The following PRKAR2A variants were observed in gnomAD, a reference collection of about 807,000 sequenced individuals.
The protein encoded by PRKAR2A is protein kinase cAMP-dependent type II regulatory subunit alpha, also known as cAMP-dependent protein kinase type II-alpha regulatory subunit.
A neutral mutation model predicts 51.9 loss-of-function variants in PRKAR2A; 29 were observed. That is an observed-to-expected ratio of 0.56 (90% CI 0.42 to 0.76). PRKAR2A has a LOEUF of 0.76. PRKAR2A is among the 30% of genes least tolerant of loss of function. The pLI is 0.00. For synonymous variants in PRKAR2A, 178 were observed against 186.2 expected (o/e 0.96, Z 0.36); for missense variants, 445 against 512.1 (o/e 0.87, Z 1.26).
At chr3:48,790,673 A>G (rs752119160) in intron 3 of PRKAR2A, 46 bp from the exon 4 acceptor site, 9 of 1,211,792 alleles carry the variant, frequency 7.4e-6, no homozygotes, top group Non-Finnish European at 9.0e-6. Flanking sequence ...TTCCATTTTA[A>G]AATAACCACT....
intron 1 of PRKAR2A, 119 bp from the exon 2 acceptor site, chr3:48,807,803 CAG>C: frequency 2.7e-6 from 2 of 748,264 alleles, no homozygotes; most frequent in Non-Finnish European, 4.8e-6. Context: ...AGCAGTGGGT[CAG>C]TTCATAGTCT....
chr3:48,775,306 CG>C (rs1367982598), intron 5 of PRKAR2A, among the ~76,000 whole-genome samples: 2 of 151,412 alleles, frequency 1.3e-5, no homozygotes, highest in Non-Finnish European at 2.9e-5. Flanking sequence ...GGGCGGGTAG[CG>C]GGTGCCTGTA....
Position 48,847,067 on chromosome 3 carries a change from G to C in PRKAR2A, c.262+268C>G, listed in dbSNP as rs1025834784. Among the ~76,000 whole-genome samples, 2 of 152,250 alleles carry C rather than the reference G, an allele frequency of 1.3e-5. No homozygotes were observed. Among genetic ancestry groups the C allele is most frequent in the African/African-American group, 4.8e-5 (2 of 41,476 alleles). ...AGCAAAGGCGAGGGATCCTCTAGCA[G>C]GGCCGACAGCGCGCACGTTTCCTTC... On this transcript the variant is annotated intron_variant, in intron 1 of 10. Coordinates refer to ENST00000265563, the MANE Select transcript of PRKAR2A (RefSeq NM_004157.4). This position sits in a 1 kb window ranked among gnomAD's most constrained non-coding sequence, Gnocchi z 4.4.
intron 1 of PRKAR2A, among the ~76,000 whole-genome samples, chr3:48,836,984 A>T (rs988147357): frequency 6.6e-6 from 1 of 152,102 alleles, no homozygotes; most frequent in African/African-American, 2.4e-5. Flanking sequence ...TACAAAAATT[A>T]GCCAGGCATG....
At chr3:48,787,577 G>C (rs1345699562) in intron 4 of PRKAR2A, among the ~76,000 whole-genome samples, 1 of 152,094 alleles carries the variant, frequency 6.6e-6, no homozygotes, top group African/African-American at 2.4e-5. Flanking sequence ...TAACTTTAAT[G>C]GTATAAAATT....
At chr3:48,841,118 T>G (rs1403341505) in intron 1 of PRKAR2A, among the ~76,000 whole-genome samples, 1 of 150,042 alleles carries the variant, frequency 6.7e-6, no homozygotes, top group Admixed American at 6.6e-5. Context: ...ACTCCTGACC[T>G]CAGGTGATCC....
At chr3:48,804,077 A>C (rs938139707) in intron 2 of PRKAR2A, among the ~76,000 whole-genome samples, 1 of 152,168 alleles carries the variant, frequency 6.6e-6, no homozygotes, top group Non-Finnish European at 1.5e-5. Flanking sequence ...AAGGCTATCT[A>C]TTTTCCTCCA....
At chr3:48,817,755 C>G (rs2107392822) in intron 1 of PRKAR2A, among the ~76,000 whole-genome samples, 1 of 151,414 alleles carries the variant, frequency 6.6e-6, no homozygotes, top group East Asian at 1.9e-4. Context: ...AAAAACACTT[C>G]ATATTTTAAA....
At chr3:48,846,675 C>T (rs2083468659) in intron 1 of PRKAR2A, among the ~76,000 whole-genome samples, 1 of 152,174 alleles carries the variant, frequency 6.6e-6, no homozygotes, top group African/African-American at 2.4e-5. Context: ...TTTACTCTCA[C>T]CAAATTTGAT....
intron 6 of PRKAR2A, among the ~76,000 whole-genome samples, chr3:48,772,312 T>A (rs1559610926): frequency 6.6e-6 from 1 of 152,116 alleles, no homozygotes; most frequent in East Asian, 1.9e-4. Flanking sequence ...AGTGGCGTGA[T>A]CTTGGCTCAC....
intron 2 of PRKAR2A, among the ~76,000 whole-genome samples, chr3:48,803,094 G>A (rs1163144950): frequency 6.6e-6 from 1 of 152,136 alleles, no homozygotes; most frequent in Non-Finnish European, 1.5e-5. Flanking sequence ...GAAGGGGAAG[G>A]TATGAAAGAC....
chr3:48,798,887 C>A (rs191302028), intron 2 of PRKAR2A, among the ~76,000 whole-genome samples: 2 of 152,204 alleles, frequency 1.3e-5, no homozygotes, highest in Admixed American at 6.5e-5. Context: ...TCTCGAACTC[C>A]TGGCCTCAAG....
chr3:48,795,265 G>A (rs547930575), intron 2 of PRKAR2A, among the ~76,000 whole-genome samples: 3 of 152,126 alleles, frequency 2.0e-5, no homozygotes, highest in African/African-American at 4.8e-5. Flanking sequence ...GAGCCACCGC[G>A]ACTAGCCTGA....
downstream of PRKAR2A, among the ~76,000 whole-genome samples, chr3:48,745,245 G>GACCC: frequency 7.0e-6 from 1 of 143,522 alleles, no homozygotes; most frequent in African/African-American, 2.6e-5. Flanking sequence ...GTCTTACTAT[G>GACCC]TTGCCCAGGC....
chr3:48,829,714 GTA>G (rs1316297349), intron 1 of PRKAR2A, among the ~76,000 whole-genome samples: 22 of 90,764 alleles, frequency 2.4e-4, no homozygotes, highest in Admixed American at 2.2e-3. Context: ...ATTCTTATAC[GTA>G]TATATTTTAT....
intron 1 of PRKAR2A, among the ~76,000 whole-genome samples, chr3:48,846,219 CTTTTTTT>C (rs11340522): frequency 7.9e-6 from 1 of 127,272 alleles, no homozygotes; most frequent in Non-Finnish European, 1.6e-5. Context: ...TTTCCTTTTT[CTTTTTTT>C]TTTTTTTTGA....
Position 48,764,985 on chromosome 3 carries a change from G to A in PRKAR2A, c.873+19C>T. 6.2e-7 allele frequency: 1 copy of A among 1,609,016 alleles called. No individual in the cohort carries two copies. ...AGGGGTGACTTCCAGGAAAGGAGCT[G>A]CGTAAAGCCCTCACTCACCTGAGTG... On this transcript the variant is annotated intron_variant, in intron 8 of 10. Transcript: ENST00000265563.
chr3:48,788,353 G>A (rs1382979592), intron 4 of PRKAR2A, among the ~76,000 whole-genome samples: 1 of 151,900 alleles, frequency 6.6e-6, no homozygotes, highest in Admixed American at 6.6e-5. Flanking sequence ...TAGTAGAGAC[G>A]GGGTTTCACC....
intron 1 of PRKAR2A, among the ~76,000 whole-genome samples, chr3:48,838,914 G>A (rs537175100): frequency 1.3e-5 from 2 of 151,974 alleles, no homozygotes; most frequent in Admixed American, 6.6e-5. Flanking sequence ...AACCTGGGAG[G>A]TGGAGCTTGC....
Sources: gnomAD v4.1 joint callset for allele counts (sites outside exome capture counted in the v4.1 genomes callset) on GRCh38, gnomAD v4.1.1 for gene constraint, Gnocchi (gnomAD v3.1) non-coding constraint, MANE v1.5 for transcripts, NCBI Gene and HGNC (gene_info 2026-07-23, HGNC 2026-07-21) for gene names.